Variants in KIFC3 observed in about 807,000 individuals in gnomAD.
KIFC3 encodes kinesin family member C3.
A neutral mutation model predicts 101.8 loss-of-function variants in KIFC3; 60 were observed. The ratio of observed to expected loss-of-function variants is 0.59; its 90% CI spans 0.48 to 0.73. The LOEUF is 0.73. Among genes scored for constraint, KIFC3 ranks in the 30% least tolerant of loss-of-function variants. The pLI, the probability that KIFC3 is intolerant of heterozygous loss-of-function variation, is 0.00. For missense variants in KIFC3, 966 were observed against 1,137.1 expected (o/e 0.85, Z 2.16); for synonymous variants, 476 against 482.7 (o/e 0.99, Z 0.18).
chr16:57,766,048 G>A (rs1286029327), intron 10 of KIFC3, among the ~76,000 whole-genome samples: 1 of 152,196 alleles, frequency 6.6e-6, no homozygotes, highest in African/African-American at 2.4e-5. Context: ...CAGGGCTTAG[G>A]AATCAGATGG....
intron 1 of KIFC3, among the ~76,000 whole-genome samples, chr16:57,817,330 GC>G: frequency 6.6e-6 from 1 of 151,614 alleles, no homozygotes; most frequent in Non-Finnish European, 1.5e-5. Flanking sequence ...TTGCACTCCA[GC>G]CTGGGTGACA....
chr16:57,829,569 T>C (rs531927350), intron 1 of KIFC3, among the ~76,000 whole-genome samples: 6 of 152,336 alleles, frequency 3.9e-5, no homozygotes, highest in African/African-American at 1.2e-4. Flanking sequence ...ATCTATTTTT[T>C]AAATGTTCTT....
In KIFC3 at chr16:57,816,864, G is replaced by A. The variant is rs550289125; in HGVS notation, c.109-18582C>T. 2.9e-5 allele frequency: 12 copies of A among 412,604 alleles called. No individual in the cohort carries two copies. In the East Asian group the frequency reaches 4.9e-4, roughly 17 times the overall value. 25.6% of individuals were successfully genotyped at this position (412,604 alleles called of 1,614,324 possible). A position where few individuals can be genotyped will look rare whatever the true frequency, so the allele number is the denominator to read the frequency against. ...CCAGGGAGGTTGGAGGGGTCTCCCT[G>A]TGACCAAATCTGTGGCCATCACAAC... On this transcript the variant is annotated intron_variant, in intron 1 of 2. Transcript: ENST00000563028.
intron 11 of KIFC3, 25 bp from the exon 12 acceptor site, chr16:57,764,272 T>TGGGGGGGGGGGG: frequency 2.0e-6 from 1 of 495,558 alleles, no homozygotes. Flanking sequence ...GGAGGGAGGC[T>TGGGGGGGGGGGG]GGTGGGGGGG....
chr16:57,812,094 T>C (rs1430989925), intron 1 of KIFC3, among the ~76,000 whole-genome samples: 10 of 145,254 alleles, frequency 6.9e-5, no homozygotes, highest in African/African-American at 2.3e-4. Context: ...CAGGCTGGAG[T>C]GCAGTGGCGC....
At chr16:57,759,294 G>T in intron 18 of KIFC3, 141 bp from the exon 19 acceptor site, 1 of 1,020,716 alleles carries the variant, frequency 9.8e-7, no homozygotes, top group Non-Finnish European at 1.5e-6. Flanking sequence ...CTGGAGCCCT[G>T]GGTCCCGGTC....
At chr16:57,844,218 G>T (rs1254868070) in intron 1 of KIFC3, among the ~76,000 whole-genome samples, 1 of 150,616 alleles carries the variant, frequency 6.6e-6, no homozygotes, top group Non-Finnish European at 1.5e-5. Flanking sequence ...GGATCATGAG[G>T]TCGGAGTTCA....
At chr16:57,766,707 C>T (rs574706358) in intron 10 of KIFC3, among the ~76,000 whole-genome samples, 167 bp downstream of exon 10, 1 of 152,322 alleles carries the variant, frequency 6.6e-6, no homozygotes, top group Non-Finnish European at 1.5e-5. Flanking sequence ...CATTTAATAT[C>T]CATGTGGCTT....
At chr16:57,821,151 C>T (rs2055343438) in intron 1 of KIFC3, among the ~76,000 whole-genome samples, 1 of 147,472 alleles carries the variant, frequency 6.8e-6, no homozygotes, top group Non-Finnish European at 1.5e-5. Context: ...AAAGGGAGGA[C>T]TATGGAGTCA....
chr16:57,823,400 C>A (rs1396669971), intron 1 of KIFC3, among the ~76,000 whole-genome samples: 1 of 152,152 alleles, frequency 6.6e-6, no homozygotes, highest in Non-Finnish European at 1.5e-5. Flanking sequence ...CCCTGACTAC[C>A]TTGGGCACTT....
chr16:57,760,503 GA>G, intron 16 of KIFC3, 87 bp from the exon 17 acceptor site: 1 of 1,499,650 alleles, frequency 6.7e-7, no homozygotes, highest in Middle Eastern at 1.8e-4. Flanking sequence ...GGGGCCGTCA[GA>G]AGGCTTCCTG....
intron 1 of KIFC3, among the ~76,000 whole-genome samples, chr16:57,836,777 G>A (rs1204104535): frequency 3.3e-5 from 5 of 151,866 alleles, no homozygotes; most frequent in Admixed American, 2.0e-4. Context: ...CTGCAGCCTC[G>A]AAGTCCTGGG....
At chr16:57,840,995 G>A (rs2055796327) in intron 1 of KIFC3, among the ~76,000 whole-genome samples, 1 of 152,180 alleles carries the variant, frequency 6.6e-6, no homozygotes, top group Admixed American at 6.5e-5. Flanking sequence ...CCTTGTGAAG[G>A]CATAGCTTCA....
In KIFC3 at chr16:57,761,013, C is replaced by T. The variant is rs1555596431; in HGVS notation, c.2002+29G>A. 3 of 1,602,698 alleles carry T rather than the reference C, an allele frequency of 1.9e-6. No homozygotes were observed. The South Asian group carries it at 3.3e-5, about 18-fold the overall frequency. On this transcript the variant is annotated intron_variant, in intron 15 of 19. Transcript: ENST00000445690. ...CCCTGCCCCTTGGGGTTGTGGGGAT[C>T]CTCAGGCCAGGCTGCCTGCCACTCT...
Position 57,802,363 on chromosome 16 carries a change from C to A in KIFC3, c.-40+7G>T, listed in dbSNP as rs1352809495. 6 of 982,944 alleles carry A rather than the reference C, an allele frequency of 6.1e-6. No individual in the cohort carries two copies. The highest frequency in any genetic ancestry group is 7.2e-6 in the Non-Finnish European group (6 of 828,574). The allele number at this position is 982,944 out of a possible 1,614,324, so 60.9% of individuals were successfully genotyped here. On this transcript the variant is annotated splice_region_variant and intron_variant, in intron 1 of 19. Coordinates refer to ENST00000445690, the MANE Select transcript of KIFC3 (RefSeq NM_001130100.2). This position sits in a 1 kb window ranked among gnomAD's most constrained non-coding sequence, Gnocchi z 5.0. ...TCGCACCCAGCCCGCCCGGGCCCCCCACTCACCGGCCTGGCGGAGGCAGGA... is the reference window on the plus strand; with the variant it reads ...TCGCACCCAGCCCGCCCGGGCCCCCAACTCACCGGCCTGGCGGAGGCAGGA...
In KIFC3 at chr16:57,769,986, C is replaced by T. The variant is rs1438646510; in HGVS notation, c.940-31G>A. 2.6e-5 allele frequency: 41 copies of T among 1,600,172 alleles called. 1 individual carries two copies. In the Admixed American group the frequency reaches 5.1e-4, roughly 20 times the overall value. On this transcript the variant is annotated intron_variant, in intron 7 of 19. Coordinates refer to ENST00000445690, the MANE Select transcript of KIFC3 (RefSeq NM_001130100.2). The surrounding 1 kb of genome is among the most constrained non-coding windows in gnomAD (Gnocchi z 4.3). ...CAGACCAGGAAAAGGCTCAGTACCT[C>T]GAGGTGCGGGAGAGAGAGGGGCAGG...
At chr16:57,845,867 G>A (rs1331276241) in intron 1 of KIFC3, among the ~76,000 whole-genome samples, 1 of 152,170 alleles carries the variant, frequency 6.6e-6, no homozygotes, top group Non-Finnish European at 1.5e-5. Flanking sequence ...TCTGAGAGGT[G>A]AAGATCTTTT....
intron 1 of KIFC3, among the ~76,000 whole-genome samples, chr16:57,840,886 G>T (rs2055793307): frequency 6.6e-6 from 1 of 151,870 alleles, no homozygotes; most frequent in South Asian, 2.1e-4. Context: ...TCCCACCTTT[G>T]TCCCAGATGT....
At chr16:57,762,024 C>A in intron 13 of KIFC3, 116 bp downstream of exon 13, 1 of 1,342,974 alleles carries the variant, frequency 7.4e-7, no homozygotes, top group East Asian at 2.4e-5. Flanking sequence ...CAAAGCTGCC[C>A]CTGAGGCCTG....
Sources: gnomAD v4.1 joint callset for allele counts (sites outside exome capture counted in the v4.1 genomes callset) on GRCh38, gnomAD v4.1.1 for gene constraint, Gnocchi (gnomAD v3.1) non-coding constraint, MANE v1.5 for transcripts, NCBI Gene and HGNC (gene_info 2026-07-23, HGNC 2026-07-21) for gene names.